Variants in ZNF25 observed in about 807,000 individuals in gnomAD.
ZNF25 encodes zinc finger protein 25 (KOX 19).
A neutral mutation model predicts 30.9 loss-of-function variants in ZNF25; 21 were observed. The ratio of observed to expected loss-of-function variants is 0.68; its 90% CI spans 0.48 to 0.98. The LOEUF (loss-of-function observed/expected upper bound fraction) is 0.98. ZNF25 is among the 50% of genes least tolerant of loss of function. The pLI is 0.00. For synonymous variants in ZNF25, 169 were observed against 181.3 expected, an observed-to-expected ratio of 0.93 and a Z score of 0.55; for missense variants, 501 against 529.9, an observed-to-expected ratio of 0.95 and a Z score of 0.54.
intron 4 of ZNF25, among the ~76,000 whole-genome samples, chr10:37,956,166 A>C (rs1312924791): frequency 3.3e-5 from 5 of 152,208 alleles, no homozygotes; most frequent in Non-Finnish European, 1.5e-5. Context: ...GAGGATAAGC[A>C]GTGCTTTGTG....
At chr10:37,968,869 G>A (rs1239583303) in intron 2 of ZNF25, among the ~76,000 whole-genome samples, 1 of 152,062 alleles carries the variant, frequency 6.6e-6, no homozygotes, top group East Asian at 1.9e-4. Flanking sequence ...TGCACACGTG[G>A]GTTCTGAAGG....
intron 1 of ZNF25, among the ~76,000 whole-genome samples, chr10:37,974,299 T>A (rs184457772): frequency 6.6e-6 from 1 of 152,166 alleles, no homozygotes; most frequent in Admixed American, 6.5e-5. Flanking sequence ...CGAAAAAGTT[T>A]CAGCACAGCA....
Position 37,957,052 on chromosome 10 carries a change from A to G in ZNF25, c.206T>C (p.Leu69Ser). 2 of 1,614,094 alleles carry G rather than the reference A, an allele frequency of 1.2e-6. No individual in the cohort carries two copies. Among genetic ancestry groups the G allele is most frequent in the Non-Finnish European group, 1.7e-6 (2 of 1,180,016 alleles). ...KLKQGKEPWI[L>S]EVEFPHRGFP... ...GCCCCGATGTGGAAATTCTACTTCT[A>G]ATATCCATGGCTCTTTTCCTTGCTT... Residue 69 changes from leucine (L) to serine (S), a missense_variant, in exon 4 of 6, where the codon TTA becomes TCA. Coordinates refer to ENST00000302609, the MANE Select transcript of ZNF25 (RefSeq NM_145011.4).
At chr10:37,974,822 C>T (rs2063708789) in intron 1 of ZNF25, among the ~76,000 whole-genome samples, 1 of 152,098 alleles carries the variant, frequency 6.6e-6, no homozygotes, top group South Asian at 2.1e-4. Flanking sequence ...CCATTTTTAT[C>T]GCAGCACTAT....
intron 4 of ZNF25, among the ~76,000 whole-genome samples, chr10:37,955,711 A>T (rs2135309362): frequency 6.6e-6 from 1 of 152,110 alleles, no homozygotes. Context: ...CATGAGTCTC[A>T]CTGTTGTCCA....
At chr10:37,957,676 C>T in intron 2 of ZNF25, 130 bp from the exon 3 acceptor site, 1 of 965,306 alleles carries the variant, frequency 1.0e-6, no homozygotes, top group Non-Finnish European at 1.5e-6. Flanking sequence ...ATTTGCCATG[C>T]TGTACCCTGC....
chr10:37,954,620 T>A (rs1270926321), intron 4 of ZNF25, among the ~76,000 whole-genome samples: 1 of 152,202 alleles, frequency 6.6e-6, no homozygotes, highest in African/African-American at 2.4e-5. Context: ...CATTTTCATA[T>A]CTTGCTTCCT....
intron 4 of ZNF25, 55 bp from the exon 5 acceptor site, chr10:37,953,813 A>G: frequency 6.8e-7 from 1 of 1,469,184 alleles, no homozygotes; most frequent in Non-Finnish European, 9.5e-7. Flanking sequence ...TAATATTGTC[A>G]TAGCATTGAT....
At chr10:37,957,573 T>C in intron 2 of ZNF25, 27 bp from the exon 3 acceptor site, 1 of 1,606,880 alleles carries the variant, frequency 6.2e-7, no homozygotes, top group Non-Finnish European at 8.5e-7. Context: ...CAGTTCAATT[T>C]GAAGTAACCA....
At chr10:37,972,213 G>T (rs2063531614) in intron 1 of ZNF25, among the ~76,000 whole-genome samples, 1 of 152,102 alleles carries the variant, frequency 6.6e-6, no homozygotes, top group African/African-American at 2.4e-5. Flanking sequence ...CCCAAGGTTA[G>T]AAAGTCTGAA....
chr10:37,971,630 AACACACACACACACACACACAC>A (rs4007126), intron 2 of ZNF25, 56 bp downstream of exon 2: 25 of 1,388,710 alleles, frequency 1.8e-5, no homozygotes, highest in Non-Finnish European at 2.3e-5. Context: ...AAACTCATTA[AACACACACACACACACACACAC>A]ACACACACAC....
In ZNF25 at chr10:37,952,878, C is replaced by A. The variant is rs1232106279; in HGVS notation, c.620G>T (p.Cys207Phe). ...AGEKPYECNQ[C>F]EKSFYQKPHL... is the part of the protein sequence containing the mutation. ...TGGTTTCTGGTAGAAGGATTTTTCA[C>A]ACTGATTACATTCATAGGGTTTCTC... The change falls in exon 6 of 6, where the codon TGT (cysteine) becomes TTT (phenylalanine). Residue 207 changes from cysteine (C) to phenylalanine (F), a missense_variant. Physicochemically the swap from Cys to Phe is radical, Grantham distance 205. Coordinates refer to ENST00000302609, the MANE Select transcript of ZNF25 (RefSeq NM_145011.4). 6.2e-7 allele frequency: 1 copy of A among 1,614,152 alleles called. No homozygotes were observed. The highest frequency in any genetic ancestry group is 2.2e-5 in the East Asian group (1 of 44,874).
chr10:37,953,247 G>T, intron 5 of ZNF25, 52 bp from the exon 6 acceptor site: 1 of 1,499,178 alleles, frequency 6.7e-7, no homozygotes, highest in Non-Finnish European at 8.9e-7. Flanking sequence ...AAGGCTTTTT[G>T]TTCCCCCTGC....
intron 1 of ZNF25, 59 bp from the exon 2 acceptor site, chr10:37,971,866 T>C: frequency 8.8e-7 from 1 of 1,132,234 alleles, no homozygotes; most frequent in Non-Finnish European, 1.3e-6. Flanking sequence ...AAAATGTCCC[T>C]TTGACCCATT....
chr10:37,955,737 G>T (rs1365813675), intron 4 of ZNF25, among the ~76,000 whole-genome samples: 2 of 152,030 alleles, frequency 1.3e-5, no homozygotes, highest in Admixed American at 6.6e-5. Context: ...GAGTGCAGTG[G>T]GGCGATCTTG....
chr10:37,960,730 A>C (rs1349421308), intron 2 of ZNF25, among the ~76,000 whole-genome samples: 2 of 152,042 alleles, frequency 1.3e-5, no homozygotes, highest in East Asian at 3.9e-4. Context: ...TTCTCTAAAC[A>C]TAAGAGTAAG....
At chr10:37,970,645 T>A (rs944816180) in intron 2 of ZNF25, among the ~76,000 whole-genome samples, 4 of 152,214 alleles carry the variant, frequency 2.6e-5, no homozygotes, top group African/African-American at 4.8e-5. Context: ...TTCAATGTTT[T>A]CTACAGTCTA....
Position 37,957,420 on chromosome 10 carries a change from C to A in ZNF25, c.142G>T (p.Gly48Cys), listed in dbSNP as rs2135327250. 1 of 1,611,064 alleles carries A rather than the reference C, an allele frequency of 6.2e-7. No homozygotes were observed. Among genetic ancestry groups the A allele is most frequent in the East Asian group, 2.2e-5 (1 of 44,812 alleles). ...LENYSHLVSV[G>C]YHVNKPNAVF... The stretch of plus-strand genomic sequence containing the variant: ...TTACACCTGGGGAAGTTTTCCTCAC[C>A]CACTGAGACAAGGTGACTATAGTTT... Residue 48 changes from glycine to cysteine, a missense_variant and splice_region_variant, in exon 3 of 6, where the codon GGT becomes TGT. Physicochemically the swap from Gly to Cys is radical, Grantham distance 159. Transcript: ENST00000302609.
chr10:37,955,110 C>T (rs2062435872), intron 4 of ZNF25, among the ~76,000 whole-genome samples: 1 of 151,388 alleles, frequency 6.6e-6, no homozygotes, highest in Non-Finnish European at 1.5e-5. Flanking sequence ...GCTGAGATCG[C>T]ACCACTGCAT....
Sources: gnomAD v4.1 joint callset for allele counts (sites outside exome capture counted in the v4.1 genomes callset) on GRCh38, gnomAD v4.1.1 for gene constraint, MANE v1.5 for transcripts, NCBI Gene and HGNC (gene_info 2026-07-23, HGNC 2026-07-21) for gene names.